Variants in SEMA5B observed in about 807,000 individuals in gnomAD.
SEMA5B encodes the protein semaphorin 5B.
SEMA5B carries 66 observed loss-of-function variants against 135.0 expected under a neutral mutation model. That is an observed-to-expected ratio of 0.49 (90% confidence interval 0.40 to 0.60). The LOEUF is 0.60. Ranked by LOEUF, SEMA5B falls within the 20% of genes least tolerant of loss-of-function variation. The pLI is 0.00. For synonymous variants in SEMA5B, 690 were observed against 639.5 expected (o/e 1.08, Z -1.19); for missense variants, 1,501 against 1,566.3 (o/e 0.96, Z 0.70).
In SEMA5B at chr3:122,961,670, C is replaced by A. The variant is rs199912082; in HGVS notation, c.-38-369G>T. Among the ~76,000 whole-genome samples, 11 of 152,198 alleles carry A rather than the reference C, an allele frequency of 7.2e-5. No homozygotes were observed. In the East Asian group the frequency reaches 2.1e-3, roughly 29 times the overall value. On this transcript the variant is annotated intron_variant, in intron 1 of 22. Transcript: ENST00000357599. Reference sequence around the variant, plus strand: ...ATGTGATCTCACTATGTTGCCCAGGCTGGTCTTGAACTTCTGGCTTCAAGA... The same window carrying A: ...ATGTGATCTCACTATGTTGCCCAGGATGGTCTTGAACTTCTGGCTTCAAGA...
chr3:122,973,694 T>C (rs1941210059), intron 1 of SEMA5B, among the ~76,000 whole-genome samples: 1 of 152,148 alleles, frequency 6.6e-6, no homozygotes, highest in Non-Finnish European at 1.5e-5. Context: ...GCTGCAAACT[T>C]GGGGGGTTGT....
At chr3:122,995,667 C>T (rs1356548201) in intron 1 of SEMA5B, among the ~76,000 whole-genome samples, 1 of 152,108 alleles carries the variant, frequency 6.6e-6, no homozygotes, top group Non-Finnish European at 1.5e-5. Flanking sequence ...CCTCATGAGA[C>T]AGCCCAGTAT....
rs190807157 is a variant in SEMA5B, at chr3:122,962,773, C to T, written c.-38-1472G>A. ...CTGTGCTGGTGGTGTCAGAGGGAGA[C>T]AGAAAGAACCACAGACTGGGGTGAT... On this transcript the variant is annotated intron_variant, in intron 1 of 22. Coordinates refer to ENST00000357599, the MANE Select transcript of SEMA5B (RefSeq NM_001031702.4). Among the ~76,000 whole-genome samples the T allele has an allele frequency of 1.7e-4, 26 of 152,306 alleles. No homozygotes were observed. The East Asian group carries it at 5.0e-3, about 29-fold the overall frequency.
At chr3:123,022,515 C>T (rs1393999366) in intron 1 of SEMA5B, among the ~76,000 whole-genome samples, 2 of 152,180 alleles carry the variant, frequency 1.3e-5, no homozygotes, top group Non-Finnish European at 1.5e-5. Flanking sequence ...AATCCTTGTC[C>T]TTCTATTTCA....
chr3:122,960,615 A>G (rs1175105951), intron 2 of SEMA5B, among the ~76,000 whole-genome samples: 1 of 152,266 alleles, frequency 6.6e-6, no homozygotes, highest in Non-Finnish European at 1.5e-5. Flanking sequence ...TGTGAAAGAT[A>G]TATACAATGG....
At position 122,910,021 on chromosome 3, in the gene SEMA5B, A is replaced by G; in HGVS notation, c.*122T>C. The stretch of plus-strand genomic sequence containing the variant: ...TCTGAAGCCGGATGGGACCCCCCAC[A>G]GGCAAGGCAGCAAGTTCTTGGCCTA... On this transcript the variant is annotated 3_prime_UTR_variant, in exon 23 of 23. Coordinates refer to ENST00000357599, the MANE Select transcript of SEMA5B (RefSeq NM_001031702.4). 9.5e-7 allele frequency: 1 copy of G among 1,057,552 alleles called. No homozygotes were observed. Among genetic ancestry groups the G allele is most frequent in the South Asian group, 1.7e-5 (1 of 59,414 alleles). The allele number at this position is 1,057,552 out of a possible 1,614,324, so 65.5% of individuals were successfully genotyped here. A position where few individuals can be genotyped will look rare whatever the true frequency, so the allele number is the denominator to read the frequency against.
chr3:122,940,221 AT>A (rs1324082337), intron 4 of SEMA5B, among the ~76,000 whole-genome samples: 5 of 152,220 alleles, frequency 3.3e-5, no homozygotes, highest in African/African-American at 1.2e-4. Context: ...TCAGACACTT[AT>A]TGAGTATCAT....
At chr3:122,973,809 T>G (rs1477103674) in intron 1 of SEMA5B, among the ~76,000 whole-genome samples, 1 of 151,524 alleles carries the variant, frequency 6.6e-6, no homozygotes, top group African/African-American at 2.4e-5. Context: ...GGTATGGGAG[T>G]GGGGAAGGGC....
chr3:122,913,768 G>A, intron 15 of SEMA5B, 87 bp from the exon 16 acceptor site: 4 of 1,574,274 alleles, frequency 2.5e-6, no homozygotes, highest in Non-Finnish European at 3.5e-6. Flanking sequence ...CGGAAAGGAC[G>A]AGAGTCCCCG....
At chr3:122,923,793 G>T in intron 9 of SEMA5B, 41 bp from the exon 10 acceptor site, 1 of 1,611,772 alleles carries the variant, frequency 6.2e-7, no homozygotes, top group South Asian at 1.1e-5. Flanking sequence ...CTCCCTGTAA[G>T]ACCTGGCACC....
chr3:122,913,055 A>G lies in SEMA5B; in HGVS notation c.2513T>C (p.Val838Ala), dbSNP rs752559277. 1.1e-5 allele frequency: 16 copies of G among 1,516,746 alleles called. No homozygotes were observed. The highest frequency in any genetic ancestry group is 1.4e-5 in the African/African-American group (1 of 72,170). The allele number at this position is 1,516,746 out of a possible 1,614,324, so 94.0% of individuals were successfully genotyped here. Residue 838 changes from valine to alanine, a missense_variant, in exon 18 of 23, where the codon GTG becomes GCG. Transcript: ENST00000357599. The part of the protein sequence containing the change: ...GSGSCDTDAL[V>A]EVLLRSGSTS... ...GCTCCCGCTGCGCAGGAGGACCTCC[A>G]CCAGGGCTGCGGAGGGGCTAGGCCT... is the stretch of plus-strand genomic sequence containing the variant.
intron 5 of SEMA5B, among the ~76,000 whole-genome samples, chr3:122,938,452 T>A (rs1939402383): frequency 6.6e-6 from 1 of 152,170 alleles, no homozygotes; most frequent in African/African-American, 2.4e-5. Flanking sequence ...AACTGCAATG[T>A]CCCTGGGTGT....
intron 1 of SEMA5B, among the ~76,000 whole-genome samples, chr3:123,010,645 C>T (rs1942417530): frequency 6.6e-6 from 1 of 151,858 alleles, no homozygotes; most frequent in Non-Finnish European, 1.5e-5. Context: ...CCCATCTCTA[C>T]TAAAAATACA....
At chr3:122,959,963 T>C (rs1360004594) in intron 2 of SEMA5B, among the ~76,000 whole-genome samples, 1 of 152,258 alleles carries the variant, frequency 6.6e-6, no homozygotes, top group African/African-American at 2.4e-5. Flanking sequence ...GCTAAGGATG[T>C]CGCCAGACGC....
intron 5 of SEMA5B, among the ~76,000 whole-genome samples, chr3:122,929,389 C>G (rs1415082703): frequency 6.6e-6 from 1 of 152,190 alleles, no homozygotes; most frequent in African/African-American, 2.4e-5. Context: ...TGGAAGTGGC[C>G]GAAGGACCTT....
intron 1 of SEMA5B, among the ~76,000 whole-genome samples, chr3:122,966,535 GT>G (rs1032284982): frequency 9.5e-6 from 1 of 105,216 alleles, no homozygotes; most frequent in African/African-American, 4.5e-5. Context: ...TTGTAAGAAT[GT>G]TTATTATTAT....
At chr3:122,965,311 G>C (rs1940772152) in intron 1 of SEMA5B, among the ~76,000 whole-genome samples, 1 of 152,196 alleles carries the variant, frequency 6.6e-6, no homozygotes, top group Non-Finnish European at 1.5e-5. Context: ...AATGTTCCCA[G>C]CCTCAGGTGA....
intron 1 of SEMA5B, among the ~76,000 whole-genome samples, chr3:122,969,981 C>T (rs1941041934): frequency 6.6e-6 from 1 of 152,050 alleles, no homozygotes; most frequent in South Asian, 2.1e-4. Flanking sequence ...AGCTGTCCAC[C>T]CTGTTCCTAT....
intron 1 of SEMA5B, among the ~76,000 whole-genome samples, chr3:123,022,669 T>C (rs529448139): frequency 3.3e-5 from 5 of 152,356 alleles, no homozygotes; most frequent in African/African-American, 1.2e-4. Context: ...GAAAACCATC[T>C]TCATTTTTTA....
Sources: gnomAD v4.1 joint callset for allele counts (sites outside exome capture counted in the v4.1 genomes callset) on GRCh38, gnomAD v4.1.1 for gene constraint, MANE v1.5 for transcripts, NCBI Gene and HGNC (gene_info 2026-07-23, HGNC 2026-07-21) for gene names.